Variants in ZNF337 observed in about 807,000 individuals in gnomAD.
The protein encoded by ZNF337 is zinc finger protein 337.
A neutral mutation model predicts 12.1 loss-of-function variants in ZNF337; 8 were observed. The ratio of observed to expected loss-of-function variants is 0.66; its 90% CI spans 0.39 to 1.19. ZNF337 has a LOEUF of 1.19. Ranked by LOEUF, ZNF337 falls within the 50% of genes most tolerant of loss-of-function variation. The pLI is 0.01. For synonymous variants in ZNF337, 336 were observed against 320.0 expected (o/e 1.05, Z -0.53); for missense variants, 882 against 896.6 (o/e 0.98, Z 0.21).
rs979576329 is a variant in ZNF337 at position 25,675,915 on chromosome 20, T to C, written c.1373A>G (p.Lys458Arg). Residue 458 changes from lysine to arginine, a missense_variant, in exon 5 of 5, where the codon AAG becomes AGG. Transcript: ENST00000252979. The part of the protein sequence containing the change: ...VKHQITHSEE[K>R]PFVCKDCGRG... Reference sequence around the variant, plus strand: ...TCCACAGTCCTTGCACACAAAAGGCTTCTCCTCTGAGTGTGTGATCTGATG... The same window carrying C: ...TCCACAGTCCTTGCACACAAAAGGCCTCTCCTCTGAGTGTGTGATCTGATG... 6.2e-7 allele frequency: 1 copy of C among 1,613,978 alleles called. No individual in the cohort carries two copies. Among genetic ancestry groups the C allele is most frequent in the African/African-American group, 1.3e-5 (1 of 74,890 alleles).
In ZNF337 at chr20:25,674,675, G is replaced by GT. The variant is rs1040319397; in HGVS notation, c.*356dup. On this transcript the variant is annotated 3_prime_UTR_variant, in exon 5 of 5. Coordinates refer to ENST00000252979, the MANE Select transcript of ZNF337 (RefSeq NM_015655.4). ...GCAGTCCAAGGAGGTTGGGGAGAGT[G>GT]TAACAGGCCTGCCTTGGTATCCCTG... The GT allele has an allele frequency of 2.0e-5, 5 of 244,778 alleles. No homozygotes were observed. Among genetic ancestry groups the GT allele is most frequent in the Non-Finnish European group, 3.9e-5 (5 of 126,614 alleles). 15.2% of individuals were successfully genotyped at this position (244,778 alleles called of 1,614,324 possible).
intron 4 of ZNF337, among the ~76,000 whole-genome samples, chr20:25,683,964 C>A (rs2065797236): frequency 6.6e-6 from 1 of 151,898 alleles, no homozygotes; most frequent in Non-Finnish European, 1.5e-5. Flanking sequence ...AAATGTCCAA[C>A]AATGATAGAC....
In ZNF337 at chr20:25,676,893, A is replaced by T; in HGVS notation, c.395T>A (p.Phe132Tyr). Reference protein sequence around the residue: ...EKEKSTKPMAFSSPPLRHAVS... With the variant: ...EKEKSTKPMAYSSPPLRHAVS... ...TGCATGTCTTAGGGGTGGGCTGGAAAATGCCATGGGCTTAGTGCTTTTTTC... is the reference window on the plus strand; with the variant it reads ...TGCATGTCTTAGGGGTGGGCTGGAATATGCCATGGGCTTAGTGCTTTTTTC... Residue 132 changes from phenylalanine to tyrosine, a missense_variant, in exon 5 of 5, where the codon TTT becomes TAT. Transcript: ENST00000252979. 1 of 1,614,170 alleles carries T rather than the reference A, an allele frequency of 6.2e-7. No individual in the cohort carries two copies. Among genetic ancestry groups the T allele is most frequent in the Non-Finnish European group, 8.5e-7 (1 of 1,180,034 alleles).
chr20:25,686,100 A>T lies in ZNF337; in HGVS notation c.50T>A (p.Val17Asp). 1.2e-6 allele frequency: 2 copies of T among 1,614,100 alleles called. No individual in the cohort carries two copies. Among genetic ancestry groups the T allele is most frequent in the Non-Finnish European group, 1.7e-6 (2 of 1,180,000 alleles). ...TTCCTTCTGGGTGAAATCCACAGTG[A>T]CATCCCCAAATGCCAAGAAAGCCTG... Reference protein sequence around the residue: ...RRQAFLAFGDVTVDFTQKEWR... With the variant: ...RRQAFLAFGDDTVDFTQKEWR... The change falls in exon 3 of 5, where the codon GTC (valine) becomes GAC (aspartate). Residue 17 changes from valine to aspartate, a missense_variant. Coordinates refer to ENST00000252979, the MANE Select transcript of ZNF337 (RefSeq NM_015655.4).
Position 25,677,041 on chromosome 20 carries a change from G to C in ZNF337, c.251-4C>G. The C allele has an allele frequency of 6.3e-7, 1 of 1,586,636 alleles. No homozygotes were observed. Among genetic ancestry groups the C allele is most frequent in the Non-Finnish European group, 8.6e-7 (1 of 1,167,466 alleles). On this transcript the variant is annotated splice_region_variant and splice_polypyrimidine_tract_variant and intron_variant, in intron 4 of 4. Transcript: ENST00000252979. ...AGGACATGTTCTGCATATATTCCTG[G>C]AGAATAGACCAACAATGAGACTGAA...
chr20:25,675,969 C>A lies in ZNF337; in HGVS notation c.1319G>T (p.Gly440Val). The change falls in exon 5 of 5, where the codon GGA becomes GTA. Residue 440 changes from glycine to valine, a missense_variant. Coordinates refer to ENST00000252979, the MANE Select transcript of ZNF337 (RefSeq NM_015655.4). ...KPFVCRECGQGFIQKSTLVKH... is the reference protein window; with the variant it reads ...KPFVCRECGQVFIQKSTLVKH... ...CACAAGGGTTGACTTCTGAATAAATCCTTGCCCACATTCTCTACAAACAAA... is the reference window on the plus strand; with the variant it reads ...CACAAGGGTTGACTTCTGAATAAATACTTGCCCACATTCTCTACAAACAAA... 6.2e-7 allele frequency: 1 copy of A among 1,613,606 alleles called. No individual in the cohort carries two copies. The highest frequency in any genetic ancestry group is 8.5e-7 in the Non-Finnish European group (1 of 1,179,672).
intron 4 of ZNF337, among the ~76,000 whole-genome samples, chr20:25,684,370 A>T (rs1240882669): frequency 6.6e-6 from 1 of 152,028 alleles, no homozygotes. Flanking sequence ...ACAAATAAAT[A>T]AAAAATATTA....
At chr20:25,692,874 G>C (rs754559792) in intron 1 of ZNF337, among the ~76,000 whole-genome samples, 9 of 151,990 alleles carry the variant, frequency 5.9e-5, no homozygotes, top group Non-Finnish European at 8.8e-5. Context: ...CTACATTTTT[G>C]GGAGATGAAA....
chr20:25,676,286 G>A lies in ZNF337; in HGVS notation c.1002C>T (p.Tyr334=), dbSNP rs781097668. The A allele has an allele frequency of 3.7e-6, 6 of 1,610,784 alleles. No homozygotes were observed. Among genetic ancestry groups the A allele is most frequent in the Admixed American group, 3.4e-5 (2 of 59,696 alleles). The change falls in exon 5 of 5, where the codon TAC becomes TAT. Residue 334 remains tyrosine (Y), a synonymous_variant. Transcript: ENST00000252979. ...AGTGTATTCTCTTGTGCACAACGAA[G>A]TATGACTTATTAGTATAGCCTCGCC... ...ECGRGYTNKS[Y]FVVHKRIHSG...
At chr20:25,678,715 G>C (rs532942796) in intron 4 of ZNF337, among the ~76,000 whole-genome samples, 1 of 152,252 alleles carries the variant, frequency 6.6e-6, no homozygotes, top group South Asian at 2.1e-4. Context: ...AGAGACTGTG[G>C]CAGGCGGATT....
chr20:25,682,412 A>G (rs2065778299), intron 4 of ZNF337, among the ~76,000 whole-genome samples: 1 of 152,236 alleles, frequency 6.6e-6, no homozygotes, highest in Admixed American at 6.5e-5. Flanking sequence ...AAAACTTAGT[A>G]GATATGGAAC....
chr20:25,695,877 AACCTGCAAGCCTG>A (rs2065919905), intron 1 of ZNF337, among the ~76,000 whole-genome samples: 1 of 152,212 alleles, frequency 6.6e-6, no homozygotes, highest in Non-Finnish European at 1.5e-5. Flanking sequence ...GTATAAAATT[AACCTGCAAGCCTG>A]ACCATCTCGG....
intron 1 of ZNF337, chr20:25,686,777 T>G: frequency 3.9e-6 from 1 of 258,144 alleles, no homozygotes; most frequent in Non-Finnish European, 6.3e-6. Context: ...CAGGTGTTCT[T>G]TGCACTGGAC....
At chr20:25,693,803 T>C (rs1194566712) in intron 1 of ZNF337, among the ~76,000 whole-genome samples, 3 of 152,156 alleles carry the variant, frequency 2.0e-5, no homozygotes, top group Non-Finnish European at 4.4e-5. Flanking sequence ...CACCTGGGGT[T>C]GGGCTGTCCT....
intron 1 of ZNF337, among the ~76,000 whole-genome samples, chr20:25,689,858 T>A (rs1456294149): frequency 6.6e-6 from 1 of 152,220 alleles, no homozygotes; most frequent in East Asian, 1.9e-4. Context: ...GAAAAAGCAT[T>A]AATCATATTG....
chr20:25,694,882 C>T (rs907801904), intron 1 of ZNF337, among the ~76,000 whole-genome samples: 3 of 152,168 alleles, frequency 2.0e-5, no homozygotes, highest in Admixed American at 1.3e-4. Context: ...TGGATAGCCC[C>T]GCAAAGCTAT....
rs927652269 is a variant in ZNF337 at position 25,673,405 on chromosome 20, A to G, written c.*1627T>C. Among the ~76,000 whole-genome samples, 1 of 152,192 alleles carries G rather than the reference A, an allele frequency of 6.6e-6. No homozygotes were observed. The highest frequency in any genetic ancestry group is 6.6e-5 in the Admixed American group (1 of 15,266). On this transcript the variant is annotated 3_prime_UTR_variant, in exon 5 of 5. Coordinates refer to ENST00000252979, the MANE Select transcript of ZNF337 (RefSeq NM_015655.4). ...AGCTATGTAGGGCACATGCTCATTAAGCTGGCCTTAATTGTGAAGGTTCTG... is the reference window on the plus strand; with the variant it reads ...AGCTATGTAGGGCACATGCTCATTAGGCTGGCCTTAATTGTGAAGGTTCTG...
intron 1 of ZNF337, among the ~76,000 whole-genome samples, chr20:25,695,125 G>T (rs558278468): frequency 1.3e-5 from 2 of 152,236 alleles, no homozygotes; most frequent in African/African-American, 2.4e-5. Flanking sequence ...ACAAAAATTA[G>T]CCAGGCGTGG....
chr20:25,690,441 A>G, intron 1 of ZNF337, among the ~76,000 whole-genome samples: 1 of 152,222 alleles, frequency 6.6e-6, no homozygotes, highest in African/African-American at 2.4e-5. Flanking sequence ...AGAATACAAC[A>G]GAGCTTCTAA....
Sources: gnomAD v4.1 joint callset for allele counts (sites outside exome capture counted in the v4.1 genomes callset) on GRCh38, gnomAD v4.1.1 for gene constraint, MANE v1.5 for transcripts, NCBI Gene and HGNC (gene_info 2026-07-23, HGNC 2026-07-21) for gene names.